The following ANKRD10 variants were observed in gnomAD, a reference collection of about 807,000 sequenced individuals.
ANKRD10 encodes the protein ankyrin repeat domain 10.
ANKRD10 carries 14 observed loss-of-function variants against 27.0 expected under a neutral mutation model. The ratio of observed to expected loss-of-function variants is 0.52; its 90% CI spans 0.34 to 0.81. The LOEUF (loss-of-function observed/expected upper bound fraction) is 0.81, where lower values mean the gene tolerates loss of function less well. ANKRD10 is among the 40% of genes least tolerant of loss of function. ANKRD10 has a pLI of 0.01. For missense variants in ANKRD10, 493 were observed against 544.0 expected, an observed-to-expected ratio of 0.91 and a Z score of 0.93; for synonymous variants, 250 against 224.5, an observed-to-expected ratio of 1.11 and a Z score of -1.01.
intron 1 of ANKRD10, among the ~76,000 whole-genome samples, chr13:110,912,024 G>C (rs1380349327): frequency 6.6e-6 from 1 of 152,206 alleles, no homozygotes; most frequent in Non-Finnish European, 1.5e-5. Context: ...GACTAACATG[G>C]CAAGTTAAGA....
At chr13:110,906,926 C>T (rs1023282420) in intron 2 of ANKRD10, among the ~76,000 whole-genome samples, 1 of 152,236 alleles carries the variant, frequency 6.6e-6, no homozygotes, top group African/African-American at 2.4e-5. Flanking sequence ...CAGGTCTACA[C>T]TGCATGAATG....
intron 3 of ANKRD10, among the ~76,000 whole-genome samples, chr13:110,905,518 T>TA (rs2065506848): frequency 6.6e-6 from 1 of 152,238 alleles, no homozygotes; most frequent in African/African-American, 2.4e-5. Flanking sequence ...TACAAGGAAC[T>TA]ATCAACCATT....
In ANKRD10 at chr13:110,910,850, A is replaced by C. The variant is rs75790696; in HGVS notation, c.211-80T>G. The C allele has an allele frequency of 1.4e-3, 2,008 of 1,387,914 alleles. 30 individuals carry two copies. In the African/African-American group the frequency reaches 0.026, roughly 18 times the overall value. 86.0% of individuals were successfully genotyped at this position (1,387,914 alleles called of 1,614,324 possible). Reference sequence around the variant, plus strand: ...ATATTACATGAATAATCGAAATTCTATAATGGTGACAAATGGCATTGTTAC... The same window carrying C: ...ATATTACATGAATAATCGAAATTCTCTAATGGTGACAAATGGCATTGTTAC... On this transcript the variant is annotated intron_variant, in intron 1 of 5. Transcript: ENST00000267339.
intron 4 of ANKRD10, among the ~76,000 whole-genome samples, chr13:110,889,473 AT>A (rs1340653611): frequency 6.6e-6 from 1 of 152,098 alleles, no homozygotes; most frequent in African/African-American, 2.4e-5. Flanking sequence ...ACAGATGCAA[AT>A]AATTTTATGA....
chr13:110,879,348 T>C lies in ANKRD10; in HGVS notation c.*289A>G, dbSNP rs922026702. On this transcript the variant is annotated 3_prime_UTR_variant, in exon 6 of 6. Coordinates refer to ENST00000267339, the MANE Select transcript of ANKRD10 (RefSeq NM_017664.4). ...CTTTTAACAAAAAGAAAAATGGCAA[T>C]ATCTGGTGACAGTATTAAAAAGACA... 6 of 344,962 alleles carry C rather than the reference T, an allele frequency of 1.7e-5. No individual in the cohort carries two copies. The Admixed American group carries it at 2.1e-4, about 12-fold the overall frequency. 21.4% of individuals were successfully genotyped at this position (344,962 alleles called of 1,614,324 possible).
In ANKRD10 at chr13:110,914,937, T is replaced by C. The variant is rs2065848290; in HGVS notation, c.-3A>G. On this transcript the variant is annotated 5_prime_UTR_variant, in exon 1 of 6. Coordinates refer to ENST00000267339, the MANE Select transcript of ANKRD10 (RefSeq NM_017664.4). ...GCGCCCGCTCCCGCCGCCGACATGG[T>C]CCGTCACCGGAGAGCGCGGGGCTCG... 1 of 1,531,852 alleles carries C rather than the reference T, an allele frequency of 6.5e-7. No individual in the cohort carries two copies. 94.9% of individuals were successfully genotyped at this position (1,531,852 alleles called of 1,614,324 possible).
At chr13:110,892,314 C>T (rs2065095403) in intron 4 of ANKRD10, among the ~76,000 whole-genome samples, 1 of 145,792 alleles carries the variant, frequency 6.9e-6, no homozygotes, top group African/African-American at 2.5e-5. Flanking sequence ...CCTGTAATCC[C>T]AGCTACTTGG....
At chr13:110,913,498 T>C (rs746312358) in intron 1 of ANKRD10, among the ~76,000 whole-genome samples, 3 of 152,260 alleles carry the variant, frequency 2.0e-5, no homozygotes, top group Non-Finnish European at 2.9e-5. Flanking sequence ...ATTAACTTGC[T>C]TGTCCCACCC....
At position 110,910,750 on chromosome 13, in the gene ANKRD10, C is replaced by T; in HGVS notation, c.231G>A (p.Leu77=). The T allele has an allele frequency of 1.9e-6, 3 of 1,614,058 alleles. No homozygotes were observed. The highest frequency in any genetic ancestry group is 2.5e-6 in the Non-Finnish European group (3 of 1,179,998). The part of the protein sequence containing the change: ...HFGKLECLVQ[L]VRAGATLNVS... ...CGTTGAGTGTGGCTCCCGCTCTCAC[C>T]AACTGCACTAAGCACTCCAACTTCG... The change falls in exon 2 of 6, where the codon TTG becomes TTA. Residue 77 remains leucine, a synonymous_variant. Transcript: ENST00000267339.
chr13:110,910,801 G>A (rs1408079549), intron 1 of ANKRD10, 31 bp from the exon 2 acceptor site: 14 of 1,604,164 alleles, frequency 8.7e-6, no homozygotes, highest in South Asian at 1.1e-5. Context: ...ATGAAAACAC[G>A]CAGACATGTC....
At chr13:110,908,760 A>G (rs2065608351) in intron 2 of ANKRD10, among the ~76,000 whole-genome samples, 1 of 152,174 alleles carries the variant, frequency 6.6e-6, no homozygotes, top group African/African-American at 2.4e-5. Context: ...CCACTACATA[A>G]TAGAGTGAGA....
Position 110,879,611 on chromosome 13 carries a change from C to T in ANKRD10, c.*26G>A, listed in dbSNP as rs1031680627. 7.6e-6 allele frequency: 12 copies of T among 1,574,712 alleles called. No individual in the cohort carries two copies. Among genetic ancestry groups the T allele is most frequent in the African/African-American group, 1.3e-5 (1 of 74,198 alleles). ...AGCTGGCTACCAGGAAGGACTCCTG[C>T]GTTTCCGAGAGCCAGGTCAGCGTCT... is the stretch of plus-strand genomic sequence containing the variant. On this transcript the variant is annotated 3_prime_UTR_variant, in exon 6 of 6. Transcript: ENST00000267339.
chr13:110,914,112 A>G (rs1248734228), intron 1 of ANKRD10, among the ~76,000 whole-genome samples: 1 of 152,214 alleles, frequency 6.6e-6, no homozygotes, highest in Middle Eastern at 3.2e-3. Flanking sequence ...CAGAAGCTGG[A>G]GAGCCGGCCT....
chr13:110,893,972 A>T, intron 3 of ANKRD10: 1 of 616,782 alleles, frequency 1.6e-6, no homozygotes, highest in Non-Finnish European at 2.8e-6. Context: ...CACAAGAACC[A>T]AAGTTTTACC....
chr13:110,880,136 A>C, intron 5 of ANKRD10, 24 bp from the exon 6 acceptor site: 2 of 1,586,052 alleles, frequency 1.3e-6, no homozygotes, highest in Non-Finnish European at 1.7e-6. Context: ...TACACCTGTC[A>C]CCAAAATTCA....
At chr13:110,889,709 TTTTC>T (rs1259111328) in intron 4 of ANKRD10, among the ~76,000 whole-genome samples, 12 of 152,168 alleles carry the variant, frequency 7.9e-5, no homozygotes, top group East Asian at 1.9e-4. Flanking sequence ...TGTTTTGGCT[TTTTC>T]TTTTTCTTTT....
At chr13:110,900,062 T>C (rs2065342642) in intron 3 of ANKRD10, among the ~76,000 whole-genome samples, 2 of 148,764 alleles carry the variant, frequency 1.3e-5, no homozygotes, top group Non-Finnish European at 3.0e-5. Context: ...CACTCAAATT[T>C]ATATCTAAGA....
chr13:110,889,647 C>T (rs1594559170), intron 4 of ANKRD10, among the ~76,000 whole-genome samples: 2 of 152,314 alleles, frequency 1.3e-5, no homozygotes, highest in East Asian at 3.9e-4. Flanking sequence ...TAAAAGCAGA[C>T]ACTACTTTTT....
At chr13:110,887,333 G>A (rs1192724502) in intron 4 of ANKRD10, among the ~76,000 whole-genome samples, 1 of 152,170 alleles carries the variant, frequency 6.6e-6, no homozygotes, top group Non-Finnish European at 1.5e-5. Context: ...GGGAAGGTCT[G>A]CTGCATTACA....
Sources: allele counts gnomAD v4.1 joint callset (sites outside exome capture counted in the v4.1 genomes callset), GRCh38; gene constraint gnomAD v4.1.1; transcripts MANE v1.5; gene names NCBI Gene and HGNC (gene_info 2026-07-23, HGNC 2026-07-21).